Variants in KLF8 observed in about 807,000 individuals in gnomAD.
KLF8 encodes the protein KLF transcription factor 8.
KLF8 carries 10 observed loss-of-function variants against 18.2 expected under a neutral mutation model. The observed-to-expected ratio is 0.55, with a 90% CI of 0.34 to 0.93. The LOEUF (loss-of-function observed/expected upper bound fraction) is 0.93, where lower values mean the gene tolerates loss of function less well. KLF8 is among the 40% of genes least tolerant of loss of function. KLF8 has a pLI of 0.02. For missense variants in KLF8, 264 were observed against 277.9 expected (o/e 0.95, Z 0.36); for synonymous variants, 109 against 97.3 (o/e 1.12, Z -0.71).
the KLF8 span, among the ~76,000 whole-genome samples, chrX:56,003,240 GAAAAAC>G: frequency 2.8e-5 from 3 of 109,055 alleles, no homozygotes; most frequent in Non-Finnish European, 3.8e-5. Context: ...AAAATACAAA[GAAAAAC>G]AAAAACAAAA....
chrX:56,009,909 G>A, the KLF8 span, among the ~76,000 whole-genome samples: 1 of 112,061 alleles, frequency 8.9e-6, no homozygotes, highest in African/African-American at 3.2e-5. Context: ...CAAGATTGGA[G>A]TAAAAATAAT....
chrX:56,223,589 T>A, the KLF8 span, among the ~76,000 whole-genome samples: 141 of 112,727 alleles, frequency 1.3e-3, no homozygotes, highest in Non-Finnish European at 1.6e-3. Flanking sequence ...AAACAATGGA[T>A]CACATTTGTG....
rs756190986 is a variant in KLF8, at chrX:56,265,430, C to T, written c.332C>T (p.Pro111Leu). The change falls in exon 3 of 6, where the codon CCC becomes CTC. Residue 111 changes from proline to leucine, a missense_variant. Coordinates refer to ENST00000468660, the MANE Select transcript of KLF8 (RefSeq NM_007250.5). ...ASMLQAPIRP[P>L]KPQSSPQTLV... ...ATGCTACAAGCTCCAATACGTCCCC[C>T]CAAGCCACAGTCTTCTCCCCAGACC... 1 of 1,211,818 alleles carries T rather than the reference C, an allele frequency of 8.3e-7. No individual in the cohort carries two copies. The highest frequency in any genetic ancestry group is 1.1e-6 in the Non-Finnish European group (1 of 895,417).
At chrX:56,080,076 C>T in the KLF8 span, among the ~76,000 whole-genome samples, 2 of 111,018 alleles carry the variant, frequency 1.8e-5, no homozygotes, top group Non-Finnish European at 3.8e-5. Flanking sequence ...GAATACAGCA[C>T]CCTGATGGGT....
chrX:56,182,975 G>A, the KLF8 span, among the ~76,000 whole-genome samples: 5 of 112,461 alleles, frequency 4.4e-5, no homozygotes, highest in Non-Finnish European at 9.4e-5. Flanking sequence ...CATGCTGGGA[G>A]AACCACTGCT....
chrX:56,147,216 G>A, the KLF8 span, among the ~76,000 whole-genome samples: 5 of 112,177 alleles, frequency 4.5e-5, no homozygotes, highest in Non-Finnish European at 7.5e-5. Flanking sequence ...AGGAGCCTAA[G>A]GCTTGGAACT....
At chrX:56,166,624 T>C in the KLF8 span, among the ~76,000 whole-genome samples, 13 of 112,137 alleles carry the variant, frequency 1.2e-4, no homozygotes, top group East Asian at 3.4e-3. Flanking sequence ...GAGTAGCATA[T>C]AGTGTTATTC....
At chrX:55,975,768 G>T in the KLF8 span, among the ~76,000 whole-genome samples, 3 of 111,002 alleles carry the variant, frequency 2.7e-5, no homozygotes, top group African/African-American at 9.8e-5. Context: ...TTGATGAAGG[G>T]AATGGCTGAC....
At position 56,238,598 on chromosome X, in the gene KLF8, A is replaced by G. The variant is rs191646957; in HGVS notation, c.7+5257A>G. Among the ~76,000 whole-genome samples, 45 of 111,614 alleles carry G rather than the reference A, an allele frequency of 4.0e-4. No individual in the cohort carries two copies. In the East Asian group the frequency reaches 7.4e-3, roughly 18 times the overall value. On this transcript the variant is annotated intron_variant, in intron 1 of 5. Transcript: ENST00000468660. ...AGCCTCTCCCTCCCTCCCCTTTAAAACAGTACTTGTATTTTTTGTTCACCA... is the reference window on the plus strand; with the variant it reads ...AGCCTCTCCCTCCCTCCCCTTTAAAGCAGTACTTGTATTTTTTGTTCACCA...
the KLF8 span, among the ~76,000 whole-genome samples, chrX:56,174,663 A>G: frequency 1.8e-5 from 2 of 111,886 alleles, no homozygotes; most frequent in African/African-American, 6.5e-5. Flanking sequence ...ATAGTTTCAG[A>G]AGGAATGGTA....
the KLF8 span, among the ~76,000 whole-genome samples, chrX:56,094,609 G>A: frequency 9.1e-6 from 1 of 110,352 alleles, no homozygotes; most frequent in Non-Finnish European, 1.9e-5. Context: ...TCAAAAAAAC[G>A]TATCTAATTG....
chrX:56,133,748 T>C, the KLF8 span, among the ~76,000 whole-genome samples: 1 of 111,455 alleles, frequency 9.0e-6, no homozygotes, highest in African/African-American at 3.3e-5. Context: ...GATGATATGA[T>C]TGTATACCTA....
At chrX:56,004,013 C>T in the KLF8 span, among the ~76,000 whole-genome samples, 1 of 112,019 alleles carries the variant, frequency 8.9e-6, no homozygotes. Context: ...TTCTGTCACC[C>T]TTATTAATAT....
the KLF8 span, among the ~76,000 whole-genome samples, chrX:55,920,194 G>T: frequency 1.8e-5 from 2 of 111,693 alleles, no homozygotes; most frequent in African/African-American, 6.5e-5. Flanking sequence ...CTGTACTGTA[G>T]GAAGCCCCAT....
chrX:56,048,769 A>T, the KLF8 span, among the ~76,000 whole-genome samples: 1 of 111,678 alleles, frequency 9.0e-6, no homozygotes, highest in Non-Finnish European at 1.9e-5. Flanking sequence ...TTGGTTCCAT[A>T]TGAACTTTAA....
the KLF8 span, among the ~76,000 whole-genome samples, chrX:56,161,134 C>T: frequency 9.0e-6 from 1 of 111,561 alleles, no homozygotes; most frequent in African/African-American, 3.3e-5. Flanking sequence ...TATTTTATGT[C>T]TCCTTCACTT....
chrX:55,943,056 GTTGACCAGAC>G, the KLF8 span, among the ~76,000 whole-genome samples: 1 of 41,417 alleles, frequency 2.4e-5, no homozygotes, highest in Non-Finnish European at 5.0e-5. Context: ...TGGAAGTAGA[GTTGACCAGAC>G]TTAATGGAGT....
the KLF8 span, among the ~76,000 whole-genome samples, chrX:56,009,589 C>T: frequency 1.8e-5 from 2 of 112,075 alleles, no homozygotes; most frequent in Non-Finnish European, 3.8e-5. Flanking sequence ...AGCATGGACA[C>T]AGAACTGGTT....
chrX:56,135,703 T>TAATAA, the KLF8 span, among the ~76,000 whole-genome samples: 2 of 111,076 alleles, frequency 1.8e-5, no homozygotes, highest in African/African-American at 3.3e-5. Flanking sequence ...AGTATAAAAA[T>TAATAA]AATAAAATAA....
Sources: allele counts gnomAD v4.1 joint callset (sites outside exome capture counted in the v4.1 genomes callset), GRCh38; gene constraint gnomAD v4.1.1; transcripts MANE v1.5; gene names NCBI Gene and HGNC (gene_info 2026-07-23, HGNC 2026-07-21).